The following UGGT1 variants were observed in gnomAD, a reference collection of about 807,000 sequenced individuals.
UGGT1 encodes UDP-glucose glycoprotein glucosyltransferase 1.
UGGT1 carries 107 observed loss-of-function variants against 203.9 expected under a neutral mutation model. The ratio of observed to expected loss-of-function variants is 0.52; its 90% CI spans 0.45 to 0.62. UGGT1 has a LOEUF of 0.62. UGGT1 is among the 20% of genes least tolerant of loss of function. The pLI, the probability that UGGT1 is intolerant of heterozygous loss-of-function variation, is 0.00. For missense variants in UGGT1, 1,673 were observed against 1,867.2 expected (o/e 0.90, Z 1.92); for synonymous variants, 628 against 653.5 (o/e 0.96, Z 0.59).
At chr2:128,110,553 T>TG (rs1490605926) in intron 5 of UGGT1, among the ~76,000 whole-genome samples, 2 of 152,146 alleles carry the variant, frequency 1.3e-5, no homozygotes, top group Admixed American at 6.5e-5. Context: ...TGCTGTCTCT[T>TG]GGGGGAAACA....
At chr2:128,132,395 A>G (rs1461620647) in intron 13 of UGGT1, among the ~76,000 whole-genome samples, 1 of 152,086 alleles carries the variant, frequency 6.6e-6, no homozygotes, top group Non-Finnish European at 1.5e-5. Flanking sequence ...TAAAAGTACA[A>G]AAATTCACTG....
At chr2:128,158,581 G>A (rs1043863802) in intron 22 of UGGT1, among the ~76,000 whole-genome samples, 1 of 152,192 alleles carries the variant, frequency 6.6e-6, no homozygotes, top group African/African-American at 2.4e-5. Flanking sequence ...TCATATGGCT[G>A]TACCACAAAG....
At chr2:128,182,375 C>A (rs1352284213) in intron 37 of UGGT1, 85 bp downstream of exon 37, 1 of 1,442,874 alleles carries the variant, frequency 6.9e-7, no homozygotes, top group Non-Finnish European at 9.3e-7. Flanking sequence ...ATAGGTAATA[C>A]ATTGGTATGG....
chr2:128,162,025 T>TG (rs1199242258), intron 25 of UGGT1, among the ~76,000 whole-genome samples: 1 of 152,158 alleles, frequency 6.6e-6, no homozygotes, highest in Non-Finnish European at 1.5e-5. Context: ...TGTAATTTTC[T>TG]GGGGGGTTTT....
chr2:128,177,940 G>C lies in UGGT1; in HGVS notation c.3713+20G>C, dbSNP rs763394347. On this transcript the variant is annotated intron_variant, in intron 33 of 40. Transcript: ENST00000259253. ...CAAATGGTAAGTTGACATTGTAAGA[G>C]TTATGTTTTTAAGGAAAAACTGAGA... is the stretch of plus-strand genomic sequence containing the variant. 6.4e-7 allele frequency: 1 copy of C among 1,572,538 alleles called. No individual in the cohort carries two copies. Among genetic ancestry groups the C allele is most frequent in the South Asian group, 1.2e-5 (1 of 85,158 alleles).
At chr2:128,170,723 C>A (rs1691052767) in intron 27 of UGGT1, among the ~76,000 whole-genome samples, 1 of 151,822 alleles carries the variant, frequency 6.6e-6, no homozygotes, top group Admixed American at 6.6e-5. Flanking sequence ...TTCATTTTTC[C>A]TTTTTTATAA....
In UGGT1 at chr2:128,120,466, A is replaced by G; in HGVS notation, c.973+10A>G. The G allele has an allele frequency of 6.2e-7, 1 of 1,608,608 alleles. No homozygotes were observed. Among genetic ancestry groups the G allele is most frequent in the Non-Finnish European group, 8.5e-7 (1 of 1,175,802 alleles). On this transcript the variant is annotated intron_variant, in intron 9 of 40. Transcript: ENST00000259253. Reference sequence around the variant, plus strand: ...GTTTGGCAGTTGCAAGGTAATGAAAACAGGGAGAGGTCATTGGCCTACTTT... The same window carrying G: ...GTTTGGCAGTTGCAAGGTAATGAAAGCAGGGAGAGGTCATTGGCCTACTTT...
chr2:128,176,407 CAAAAAAAAAAAA>C (rs757833629), intron 31 of UGGT1, among the ~76,000 whole-genome samples: 126 of 70,194 alleles, frequency 1.8e-3, no homozygotes, highest in African/African-American at 6.4e-3. Flanking sequence ...AACTCTGTCT[CAAAAAAAAAAAA>C]AAAAAAAAAA....
In UGGT1 at chr2:128,195,181, C is replaced by CT. The variant is rs1427286306; in HGVS notation, c.*5440dup. The CT allele has an allele frequency of 6.6e-6, 1 of 152,274 alleles. No individual in the cohort carries two copies. Among genetic ancestry groups the CT allele is most frequent in the Non-Finnish European group, 1.5e-5 (1 of 68,084 alleles). The allele number at this position is 152,274 out of a possible 1,614,324, so 9.4% of individuals were successfully genotyped here. On this transcript the variant is annotated 3_prime_UTR_variant, in exon 41 of 41. Coordinates refer to ENST00000259253, the MANE Select transcript of UGGT1 (RefSeq NM_020120.4). ...TGAGGATTTGCAAGCAAAAGGTCCT[C>CT]TCCTGAGTCTTTCCCAGATACCCAG... is the stretch of plus-strand genomic sequence containing the variant.
intron 19 of UGGT1, among the ~76,000 whole-genome samples, chr2:128,154,629 C>T (rs1263400625): frequency 2.6e-5 from 4 of 152,174 alleles, no homozygotes; most frequent in South Asian, 2.1e-4. Context: ...TATCATGGAC[C>T]GTGTGTGACT....
At chr2:128,100,997 A>T (rs959705951) in intron 2 of UGGT1, among the ~76,000 whole-genome samples, 1 of 152,024 alleles carries the variant, frequency 6.6e-6, no homozygotes, top group African/African-American at 2.4e-5. Context: ...GTCATTTGCC[A>T]TTTTGTTTTA....
intron 19 of UGGT1, 22 bp downstream of exon 19, chr2:128,152,926 AC>A (rs1690045367): frequency 6.2e-7 from 1 of 1,606,370 alleles, no homozygotes; most frequent in African/African-American, 1.3e-5. Context: ...TTCAGGAACA[AC>A]CTTATGCTTT....
intron 13 of UGGT1, among the ~76,000 whole-genome samples, chr2:128,132,791 G>A (rs1015760560): frequency 5.3e-5 from 8 of 152,062 alleles, no homozygotes; most frequent in Non-Finnish European, 7.4e-5. Context: ...GCTCATTGCA[G>A]CCTCGAACCC....
intron 19 of UGGT1, 108 bp downstream of exon 19, chr2:128,153,012 A>G: frequency 6.7e-7 from 1 of 1,492,208 alleles, no homozygotes; most frequent in Non-Finnish European, 9.0e-7. Flanking sequence ...TGTTCAGAAG[A>G]TAGCCCAAGA....
At chr2:128,097,828 A>G (rs1277962896) in intron 2 of UGGT1, among the ~76,000 whole-genome samples, 2 of 152,208 alleles carry the variant, frequency 1.3e-5, no homozygotes, top group Non-Finnish European at 2.9e-5. Context: ...TTACTTTCCA[A>G]AAAGCATAAC....
At position 128,152,943 on chromosome 2, in the gene UGGT1, A is replaced by G; in HGVS notation, c.2137+39A>G. ...CAGGAACAACCTTATGCTTTTTTTG[A>G]CTTGTGCTTCAGAATCTTTACATTT... On this transcript the variant is annotated intron_variant, in intron 19 of 40. Coordinates refer to ENST00000259253, the MANE Select transcript of UGGT1 (RefSeq NM_020120.4). 1.9e-6 allele frequency: 3 copies of G among 1,606,724 alleles called. No homozygotes were observed. The South Asian group carries it at 3.3e-5, about 18-fold the overall frequency.
chr2:128,138,484 C>T (rs1021443270), intron 15 of UGGT1, among the ~76,000 whole-genome samples: 2 of 151,570 alleles, frequency 1.3e-5, no homozygotes, highest in Non-Finnish European at 2.9e-5. Context: ...CATTGCACTC[C>T]ACCCTGGGCA....
chr2:128,145,507 CACACACACACACACACAT>C (rs1689640550), intron 17 of UGGT1: 4 of 109,994 alleles, frequency 3.6e-5, no homozygotes, highest in East Asian at 1.5e-4. Flanking sequence ...CACAAACACA[CACACACACACACACACAT>C]ACACAAACAC....
intron 26 of UGGT1, among the ~76,000 whole-genome samples, chr2:128,169,836 G>A (rs1227929087): frequency 3.3e-5 from 5 of 152,238 alleles, no homozygotes; most frequent in South Asian, 4.1e-4. Context: ...AAAGGATTAC[G>A]TAGAGATGCA....
Sources: allele counts gnomAD v4.1 joint callset (sites outside exome capture counted in the v4.1 genomes callset), GRCh38; gene constraint gnomAD v4.1.1; transcripts MANE v1.5; gene names NCBI Gene and HGNC (gene_info 2026-07-23, HGNC 2026-07-21).